Variants in PTPRM observed in about 807,000 individuals in gnomAD.
PTPRM encodes receptor-type tyrosine-protein phosphatase mu.
A neutral mutation model predicts 186.7 loss-of-function variants in PTPRM; 47 were observed. That is an observed-to-expected ratio of 0.25 (90% CI 0.20 to 0.32). The LOEUF is 0.32. PTPRM is among the 10% of genes least tolerant of loss of function. The pLI is 1.00. For synonymous variants in PTPRM, 668 were observed against 674.9 expected (o/e 0.99, Z 0.16); for missense variants, 1,494 against 1,865.0 (o/e 0.80, Z 3.66).
At chr18:7,902,770 G>A (rs1047167708) in intron 3 of PTPRM, among the ~76,000 whole-genome samples, 3 of 150,942 alleles carry the variant, frequency 2.0e-5, no homozygotes, top group Admixed American at 6.6e-5. Context: ...TCTGTGACGC[G>A]ATGGATGAAA....
chr18:7,824,429 G>A (rs894074), intron 2 of PTPRM, among the ~76,000 whole-genome samples: 42,314 of 148,748 alleles, frequency 0.28, 7,356 homozygotes, highest in Admixed American at 0.45. Context: ...GGATTTTCCT[G>A]TGTGTGTGTG....
At chr18:8,062,537 C>T (rs2088615902) in intron 7 of PTPRM, among the ~76,000 whole-genome samples, 4 of 21,824 alleles carry the variant, frequency 1.8e-4, no homozygotes, top group Non-Finnish European at 8.6e-5. Context: ...AGGCGCTCTG[C>T]GTTTTAGAGT....
intron 14 of PTPRM, among the ~76,000 whole-genome samples, chr18:8,144,593 G>A (rs893400468): frequency 6.6e-6 from 1 of 151,762 alleles, no homozygotes; most frequent in African/African-American, 2.4e-5. Context: ...GCAAAACCCT[G>A]TCTCCAAAAA....
At chr18:7,927,537 C>T (rs1008388484) in intron 5 of PTPRM, among the ~76,000 whole-genome samples, 3 of 151,484 alleles carry the variant, frequency 2.0e-5, no homozygotes, top group Admixed American at 6.6e-5. Context: ...AACTGTCCTT[C>T]GGGTTTTAAC....
chr18:7,676,647 GTGTGTGTGTGTGTGTA>G (rs1250198219), intron 1 of PTPRM, among the ~76,000 whole-genome samples: 2,637 of 142,218 alleles, frequency 0.019, 80 homozygotes, highest in African/African-American at 0.071. Context: ...GTGTGTGTGT[GTGTGTGTGTGTGTGTA>G]TGTGTGTGTG....
intron 13 of PTPRM, among the ~76,000 whole-genome samples, chr18:8,136,837 A>G (rs2146017861): frequency 6.6e-6 from 1 of 152,392 alleles, no homozygotes; most frequent in Admixed American, 6.5e-5. Flanking sequence ...TCTCTGGGCA[A>G]CAAGACCTGA....
chr18:7,896,262 A>G (rs1302572219), intron 3 of PTPRM, among the ~76,000 whole-genome samples: 1 of 151,776 alleles, frequency 6.6e-6, no homozygotes, highest in East Asian at 1.9e-4. Flanking sequence ...CTTTTGCTTT[A>G]TTGTGCTGAT....
chr18:8,345,342 A>C (rs1598385730), intron 23 of PTPRM, among the ~76,000 whole-genome samples: 1 of 152,338 alleles, frequency 6.6e-6, no homozygotes, highest in Non-Finnish European at 1.5e-5. Context: ...TGAAAAGGTT[A>C]ATAACATGGA....
At chr18:8,126,004 TATATATA>T (rs2092338435) in intron 13 of PTPRM, among the ~76,000 whole-genome samples, 3 of 36,944 alleles carry the variant, frequency 8.1e-5, no homozygotes, top group African/African-American at 3.0e-4. Context: ...TATATATATA[TATATATA>T]TATATATATA....
chr18:7,995,428 A>C (rs539033968), intron 7 of PTPRM: 5 of 152,328 alleles, frequency 3.3e-5, no homozygotes, highest in African/African-American at 1.2e-4. Context: ...TCATTGTAAT[A>C]GACAAGCATA....
At chr18:8,391,722 G>A (rs2148580613) in intron 31 of PTPRM, among the ~76,000 whole-genome samples, 1 of 152,268 alleles carries the variant, frequency 6.6e-6, no homozygotes, top group South Asian at 2.1e-4. Context: ...GGTCTTTATT[G>A]TAGGTATATT....
chr18:7,646,087 A>G (rs1200176031), intron 1 of PTPRM, among the ~76,000 whole-genome samples: 1 of 152,222 alleles, frequency 6.6e-6, no homozygotes, highest in East Asian at 1.9e-4. Flanking sequence ...GCCTGGAAGC[A>G]GGGATTGGAA....
chr18:8,198,495 G>GA (rs1390502593), intron 14 of PTPRM, among the ~76,000 whole-genome samples: 1 of 152,136 alleles, frequency 6.6e-6, no homozygotes, highest in Non-Finnish European at 1.5e-5. Flanking sequence ...ATTTTAGACT[G>GA]AAGTTGTATC....
chr18:7,884,355 C>T (rs1380323654), intron 2 of PTPRM, among the ~76,000 whole-genome samples: 1 of 152,138 alleles, frequency 6.6e-6, no homozygotes, highest in East Asian at 1.9e-4. Flanking sequence ...GGGAATCTCA[C>T]AGAGGAGTGT....
intron 18 of PTPRM, among the ~76,000 whole-genome samples, chr18:8,252,914 TTGA>T (rs1232148853): frequency 2.6e-5 from 4 of 152,196 alleles, no homozygotes; most frequent in African/African-American, 4.8e-5. Flanking sequence ...GCACCAGGTC[TTGA>T]TGAAGTTTCA....
At chr18:7,627,131 G>A (rs1156257856) in intron 1 of PTPRM, among the ~76,000 whole-genome samples, 1 of 152,094 alleles carries the variant, frequency 6.6e-6, no homozygotes, top group Non-Finnish European at 1.5e-5. Flanking sequence ...AGAATCCCCT[G>A]TGGAAGTTGT....
chr18:8,253,249 C>A lies in PTPRM; in HGVS notation c.2589C>A (p.Ser863Arg). ...PINDETHTMA[S>R]DTSSLVQSHT... ...TAGATGAAACCCACACAATGGCCAG[C>A]GATACCAGCAGCCTGGTGCAGTCCC... The change falls in exon 19 of 33, where the codon AGC (serine) becomes AGA (arginine). Residue 863 changes from serine to arginine, a missense_variant. Ser to Arg is a moderately radical substitution (Grantham distance 110, BLOSUM62 -1). Transcript: ENST00000580170. 3 of 1,531,532 alleles carry A rather than the reference C, an allele frequency of 2.0e-6. No homozygotes were observed. Among genetic ancestry groups the A allele is most frequent in the Middle Eastern group, 1.7e-4 (1 of 5,780 alleles). The allele number at this position is 1,531,532 out of a possible 1,614,324, so 94.9% of individuals were successfully genotyped here.
chr18:8,056,094 A>G (rs983622522), intron 7 of PTPRM, among the ~76,000 whole-genome samples: 2 of 152,198 alleles, frequency 1.3e-5, no homozygotes, highest in Non-Finnish European at 2.9e-5. Context: ...ATAATCAGAA[A>G]TTGTAATAAT....
At chr18:7,816,451 G>A (rs192725227) in intron 2 of PTPRM, among the ~76,000 whole-genome samples, 285 of 152,194 alleles carry the variant, frequency 1.9e-3, no homozygotes, top group Middle Eastern at 6.8e-3. Flanking sequence ...TAGGAATAAA[G>A]GATGTCATTT....
Sources: allele counts gnomAD v4.1 joint callset (sites outside exome capture counted in the v4.1 genomes callset), GRCh38; gene constraint gnomAD v4.1.1; transcripts MANE v1.5; gene names NCBI Gene and HGNC (gene_info 2026-07-23, HGNC 2026-07-21).